ATXN1: variants seen among roughly 807,000 people sequenced by gnomAD.
ATXN1 encodes the protein ataxin 1.
A neutral mutation model predicts 56.4 loss-of-function variants in ATXN1; 8 were observed. The ratio of observed to expected loss-of-function variants is 0.14; its 90% CI spans 0.08 to 0.26. The LOEUF is 0.26. Ranked by LOEUF, ATXN1 falls within the 10% of genes least tolerant of loss-of-function variation. The probability of loss-of-function intolerance (pLI) is 1.00; values close to 1 mark genes in which losing one functional copy is unlikely to be tolerated. For missense variants in ATXN1, 987 were observed against 1,106.5 expected (o/e 0.89, Z 1.53); for synonymous variants, 514 against 494.6 (o/e 1.04, Z -0.52).
At chr6:16,603,588 C>G (rs1489239417) in intron 3 of ATXN1, among the ~76,000 whole-genome samples, 1 of 152,168 alleles carries the variant, frequency 6.6e-6, no homozygotes, top group Non-Finnish European at 1.5e-5. Flanking sequence ...TCGCCAAAAG[C>G]TAGGCTTGAC....
At position 16,299,367 on chromosome 6, in the gene ATXN1, A is replaced by G. The variant is rs1417388489; in HGVS notation, c.*6962T>C. ...TAGAAAATAGAATATGAATTCTTCC[A>G]TTTTTTAATATTTGTTTAAAAAAGC... On this transcript the variant is annotated 3_prime_UTR_variant, in exon 8 of 8. Coordinates refer to ENST00000436367, the MANE Select transcript of ATXN1 (RefSeq NM_001128164.2). 1 of 152,634 alleles carries G rather than the reference A, an allele frequency of 6.6e-6. No homozygotes were observed. The highest frequency in any genetic ancestry group is 1.5e-5 in the Non-Finnish European group (1 of 68,034). The allele number at this position is 152,634 out of a possible 1,614,324, so 9.5% of individuals were successfully genotyped here.
chr6:16,738,550 G>A (rs1002865209), intron 2 of ATXN1: 4 of 152,312 alleles, frequency 2.6e-5, no homozygotes, highest in Non-Finnish European at 2.9e-5. Context: ...GTATGTGTAT[G>A]GGTGTGTGTA....
Position 16,701,028 on chromosome 6 carries a change from T to C in ATXN1, c.-614-43127A>G, listed in dbSNP as rs569540833. On this transcript the variant is annotated intron_variant, in intron 2 of 7. Coordinates refer to ENST00000436367, the MANE Select transcript of ATXN1 (RefSeq NM_001128164.2). The stretch of plus-strand genomic sequence containing the variant: ...GCGACCTCCTGGGTATGGTAATATC[T>C]GAACAGAAGCGAGGTTTGGGAGGGG... 4.0e-5 allele frequency among the ~76,000 whole-genome samples: 6 copies of C among 151,160 alleles called. No individual in the cohort carries two copies. In the East Asian group the frequency reaches 9.7e-4, roughly 24 times the overall value.
chr6:16,338,605 G>T (rs1354945210), intron 6 of ATXN1, among the ~76,000 whole-genome samples: 2 of 152,182 alleles, frequency 1.3e-5, no homozygotes, highest in African/African-American at 2.4e-5. Context: ...AAATGGGGAA[G>T]AATTAACATG....
intron 6 of ATXN1, among the ~76,000 whole-genome samples, chr6:16,400,928 A>C (rs1445088382): frequency 2.6e-5 from 4 of 152,228 alleles, no homozygotes; most frequent in African/African-American, 9.6e-5. Context: ...AATGAAGAAA[A>C]ATAAAGACAA....
At chr6:16,642,493 G>C (rs1283108454) in intron 3 of ATXN1, among the ~76,000 whole-genome samples, 1 of 152,304 alleles carries the variant, frequency 6.6e-6, no homozygotes, top group African/African-American at 2.4e-5. Flanking sequence ...GACAACAAAG[G>C]ATTTGAAATA....
At chr6:16,646,965 G>A (rs976941846) in intron 3 of ATXN1, among the ~76,000 whole-genome samples, 1 of 152,032 alleles carries the variant, frequency 6.6e-6, no homozygotes, top group Admixed American at 6.6e-5. Flanking sequence ...AAAGCTTTAC[G>A]TGCATCAAGA....
chr6:16,626,877 G>A (rs1260775726), intron 3 of ATXN1, among the ~76,000 whole-genome samples: 2 of 152,182 alleles, frequency 1.3e-5, no homozygotes. Flanking sequence ...GGGGGAAGAT[G>A]GCCATCTGCA....
chr6:16,335,978 T>C (rs1057317615), intron 6 of ATXN1, among the ~76,000 whole-genome samples: 2 of 152,216 alleles, frequency 1.3e-5, no homozygotes, highest in East Asian at 1.9e-4. Flanking sequence ...TAGAGAATAC[T>C]TTTCTGTTGT....
At chr6:16,402,243 T>G (rs1299317088) in intron 6 of ATXN1, among the ~76,000 whole-genome samples, 1 of 2,496 alleles carries the variant, frequency 4.0e-4, no homozygotes, top group African/African-American at 2.0e-3. Context: ...CCACTGACAG[T>G]TTTTTTTTTT....
intron 6 of ATXN1, among the ~76,000 whole-genome samples, chr6:16,391,045 C>T (rs1360422147): frequency 6.6e-6 from 1 of 151,260 alleles, no homozygotes; most frequent in Non-Finnish European, 1.5e-5. Flanking sequence ...GTCTGTAATC[C>T]CAGCTAATCA....
intron 2 of ATXN1, among the ~76,000 whole-genome samples, chr6:16,750,266 C>T (rs1760669562): frequency 6.6e-6 from 1 of 152,204 alleles, no homozygotes; most frequent in African/African-American, 2.4e-5. Context: ...CACTTCCATT[C>T]CCACAGCACC....
At chr6:16,348,186 C>G (rs898697646) in intron 6 of ATXN1, among the ~76,000 whole-genome samples, 7 of 152,196 alleles carry the variant, frequency 4.6e-5, no homozygotes, top group African/African-American at 1.7e-4. Flanking sequence ...TCCTCAGCTT[C>G]CTTAGTAGCT....
At chr6:16,644,180 T>C (rs1561791587) in intron 3 of ATXN1, among the ~76,000 whole-genome samples, 1 of 152,168 alleles carries the variant, frequency 6.6e-6, no homozygotes, top group Non-Finnish European at 1.5e-5. Flanking sequence ...GTGGAGATGA[T>C]TGCACTACAC....
chr6:16,752,855 T>C, intron 2 of ATXN1: 1 of 177,570 alleles, frequency 5.6e-6, no homozygotes. Context: ...GCTACGCACA[T>C]ATTATACTAC....
At chr6:16,513,784 T>C (rs1761126883) in intron 5 of ATXN1, among the ~76,000 whole-genome samples, 1 of 152,082 alleles carries the variant, frequency 6.6e-6, no homozygotes, top group Non-Finnish European at 1.5e-5. Flanking sequence ...GCCTAGGGCA[T>C]GGGAGGGAGG....
At chr6:16,531,639 A>T (rs1026128359) in intron 4 of ATXN1, among the ~76,000 whole-genome samples, 2 of 151,976 alleles carry the variant, frequency 1.3e-5, no homozygotes, top group African/African-American at 4.8e-5. Context: ...AAAAAAAAAA[A>T]AAAGTGCTAC....
chr6:16,319,366 T>C (rs985787792), intron 7 of ATXN1, among the ~76,000 whole-genome samples: 3 of 152,218 alleles, frequency 2.0e-5, no homozygotes, highest in African/African-American at 4.8e-5. Flanking sequence ...ACCGGATGAT[T>C]CCAACTGCAT....
intron 3 of ATXN1, among the ~76,000 whole-genome samples, chr6:16,623,361 G>A (rs1763352904): frequency 1.3e-5 from 2 of 149,870 alleles, no homozygotes; most frequent in Admixed American, 6.6e-5. Flanking sequence ...TTTCAAACTT[G>A]GACCAAAATA....
Sources: allele counts gnomAD v4.1 joint callset (sites outside exome capture counted in the v4.1 genomes callset), GRCh38; gene constraint gnomAD v4.1.1; transcripts MANE v1.5; gene names NCBI Gene and HGNC (gene_info 2026-07-23, HGNC 2026-07-21).